KIAA1217: variants seen among roughly 807,000 people sequenced by gnomAD.
KIAA1217 encodes the protein sickle tail protein homolog.
A neutral mutation model predicts 163.9 loss-of-function variants in KIAA1217; 88 were observed. That is an observed-to-expected ratio of 0.54 (90% CI 0.45 to 0.64). KIAA1217 has a LOEUF of 0.64. Among genes scored for constraint, KIAA1217 ranks in the 30% least tolerant of loss-of-function variants. KIAA1217 has a pLI of 0.00. For synonymous variants in KIAA1217, 903 were observed against 923.1 expected, an observed-to-expected ratio of 0.98 and a Z score of 0.39; for missense variants, 2,372 against 2,475.0, an observed-to-expected ratio of 0.96 and a Z score of 0.88.
intron 2 of KIAA1217, among the ~76,000 whole-genome samples, chr10:24,300,231 G>C (rs1049459779): frequency 1.3e-5 from 2 of 152,182 alleles, no homozygotes; most frequent in East Asian, 1.9e-4. Context: ...ATGAATCCCT[G>C]TCCCACAGTG....
chr10:24,270,362 T>C (rs2076656840), intron 2 of KIAA1217, among the ~76,000 whole-genome samples: 1 of 152,192 alleles, frequency 6.6e-6, no homozygotes, highest in South Asian at 2.1e-4. Flanking sequence ...TGCCATTCTC[T>C]TGGGCTGTTA....
At chr10:24,013,094 G>T (rs563673658) in intron 2 of KIAA1217, among the ~76,000 whole-genome samples, 79 of 152,094 alleles carry the variant, frequency 5.2e-4, no homozygotes, top group African/African-American at 1.9e-3. Flanking sequence ...TCCCTTTCAC[G>T]ATCTATTTGG....
chr10:23,850,915 T>C (rs960776677), intron 1 of KIAA1217, among the ~76,000 whole-genome samples: 1 of 152,036 alleles, frequency 6.6e-6, no homozygotes, highest in African/African-American at 2.4e-5. Flanking sequence ...CCACGTCTCG[T>C]GAGAACTCAC....
chr10:24,198,090 TA>T (rs920844369), intron 2 of KIAA1217, among the ~76,000 whole-genome samples: 2 of 152,260 alleles, frequency 1.3e-5, no homozygotes, highest in Admixed American at 1.3e-4. Context: ...TTCTCCTTGG[TA>T]AACCAGGTAA....
chr10:24,212,698 C>T (rs2068293864), intron 1 of KIAA1217, among the ~76,000 whole-genome samples: 1 of 152,206 alleles, frequency 6.6e-6, no homozygotes, highest in African/African-American at 2.4e-5. Context: ...CTGATGCTAA[C>T]ATCACCCATA....
intron 3 of KIAA1217, among the ~76,000 whole-genome samples, chr10:24,419,379 A>G (rs1393505323): frequency 6.6e-6 from 1 of 152,056 alleles, no homozygotes; most frequent in Non-Finnish European, 1.5e-5. Context: ...TTTTGAATGG[A>G]AAAAATACAG....
chr10:24,461,261 A>G (rs905627544), intron 5 of KIAA1217, among the ~76,000 whole-genome samples: 11 of 152,244 alleles, frequency 7.2e-5, no homozygotes, highest in African/African-American at 2.7e-4. Context: ...CTAAAGTTAT[A>G]TAACACTCCA....
intron 1 of KIAA1217, among the ~76,000 whole-genome samples, chr10:23,947,795 A>G (rs917117824): frequency 6.6e-6 from 1 of 152,182 alleles, no homozygotes; most frequent in Non-Finnish European, 1.5e-5. Flanking sequence ...TACAGACAGT[A>G]AACAAGGTAA....
At chr10:24,377,315 G>A (rs1306306268) in intron 2 of KIAA1217, among the ~76,000 whole-genome samples, 1 of 152,112 alleles carries the variant, frequency 6.6e-6, no homozygotes, top group Non-Finnish European at 1.5e-5. Context: ...GAGCAAGGAG[G>A]AAAATCCAGT....
chr10:23,698,222 T>A (rs933547619), intron 1 of KIAA1217, among the ~76,000 whole-genome samples: 1 of 152,234 alleles, frequency 6.6e-6, no homozygotes, highest in Admixed American at 6.5e-5. Flanking sequence ...ATTTGTAATT[T>A]GTGAATAGGA....
rs112245869 is a variant in KIAA1217, at chr10:24,519,217, T to C, written c.2178-906T>C. ...AGTGGTCCGCATTTCTGAAAGTTCT[T>C]TATCCCTGTTTCCTTTGAGATTTTT... On this transcript the variant is annotated intron_variant, in intron 10 of 20. Coordinates refer to ENST00000376454, the MANE Select transcript of KIAA1217 (RefSeq NM_019590.5). Among the ~76,000 whole-genome samples the C allele has an allele frequency of 2.5e-3, 381 of 152,326 alleles. 2 individuals carry two copies. The highest frequency in any genetic ancestry group is 8.9e-3 in the African/African-American group (372 of 41,580).
intron 2 of KIAA1217, among the ~76,000 whole-genome samples, chr10:24,361,633 G>A (rs920683957): frequency 6.6e-6 from 1 of 152,124 alleles, no homozygotes; most frequent in African/African-American, 2.4e-5. Flanking sequence ...ATCATGCAGG[G>A]CCTCCTTGTA....
rs1190338588 is a variant in KIAA1217 at position 24,359,058 on chromosome 10, T to A, written c.355-21811T>A. Among the ~76,000 whole-genome samples the A allele has an allele frequency of 2.3e-5, 3 of 129,084 alleles. No homozygotes were observed. The East Asian group carries it at 6.4e-4, about 28-fold the overall frequency. The allele number at this position is 129,084 out of a possible 152,430, so 84.7% of individuals were successfully genotyped here. A position where few individuals can be genotyped will look rare whatever the true frequency, so the allele number is the denominator to read the frequency against. On this transcript the variant is annotated intron_variant, in intron 2 of 20. Transcript: ENST00000376454. ...TTCTAATACTTTCTTTCTTTCTTTT[T>A]TCTTTTCTTTTCTTTCTTTCTTTCT...
chr10:23,739,159 A>C (rs1838966900), intron 1 of KIAA1217, among the ~76,000 whole-genome samples: 3 of 152,234 alleles, frequency 2.0e-5, no homozygotes, highest in African/African-American at 7.2e-5. Flanking sequence ...CATAAAGTCA[A>C]ATGCCACATA....
At chr10:23,832,216 T>G (rs932418040) in intron 1 of KIAA1217, among the ~76,000 whole-genome samples, 1 of 152,190 alleles carries the variant, frequency 6.6e-6, no homozygotes, top group East Asian at 1.9e-4. Context: ...TTGGGTTTGA[T>G]TAATTTCTGG....
At chr10:24,002,967 G>A (rs1846819587) in intron 1 of KIAA1217, among the ~76,000 whole-genome samples, 1 of 152,118 alleles carries the variant, frequency 6.6e-6, no homozygotes, top group African/African-American at 2.4e-5. Flanking sequence ...CCAGATTGCT[G>A]CAAATGCCAT....
rs538035244 is a variant in KIAA1217, at chr10:24,384,991, GC to G, written c.553+3929del. ...GGAGCATCAGACACTGTTACTGCCAGCCCCCAGCCACGGGGCCTGGAGTAAG... is the reference window on the plus strand; with the variant it reads ...GGAGCATCAGACACTGTTACTGCCAGCCCCAGCCACGGGGCCTGGAGTAAG... On this transcript the variant is annotated intron_variant, in intron 3 of 20. Transcript: ENST00000376454. Among the ~76,000 whole-genome samples, 239 of 152,306 alleles carry G rather than the reference GC, an allele frequency of 1.6e-3. 1 individual carries two copies. Among genetic ancestry groups the G allele is most frequent in the Middle Eastern group, 6.8e-3 (2 of 294 alleles).
At chr10:24,264,765 T>TTCTCTCTCTCTCTCTC (rs55761615) in intron 2 of KIAA1217, among the ~76,000 whole-genome samples, 21 of 131,920 alleles carry the variant, frequency 1.6e-4, no homozygotes, top group African/African-American at 4.8e-4. Flanking sequence ...CGGTCGGTCT[T>TTCTCTCTCTCTCTCTC]TCTCTCTCTC....
chr10:24,515,430 C>A (rs2134346791), intron 10 of KIAA1217, among the ~76,000 whole-genome samples: 1 of 152,206 alleles, frequency 6.6e-6, no homozygotes, highest in South Asian at 2.1e-4. Flanking sequence ...TCACTTCTGG[C>A]CTAGAAAAGC....
Sources: allele counts gnomAD v4.1 joint callset (sites outside exome capture counted in the v4.1 genomes callset), GRCh38; gene constraint gnomAD v4.1.1; transcripts MANE v1.5; gene names NCBI Gene and HGNC (gene_info 2026-07-23, HGNC 2026-07-21).